NECTIN3: variants seen among roughly 807,000 people sequenced by gnomAD.
NECTIN3 encodes nectin cell adhesion molecule 3, also known as nectin-3.
In NECTIN3, 8 loss-of-function variants were observed where a neutral mutation model predicts 49.4. The ratio of observed to expected loss-of-function variants is 0.16; its 90% CI spans 0.10 to 0.29. NECTIN3 has a LOEUF of 0.29. Ranked by LOEUF, NECTIN3 falls within the 10% of genes least tolerant of loss-of-function variation. The probability of loss-of-function intolerance (pLI) is 1.00; values close to 1 mark genes in which losing one functional copy is unlikely to be tolerated. For missense variants in NECTIN3, 581 were observed against 654.6 expected (o/e 0.89, Z 1.23); for synonymous variants, 277 against 241.1 (o/e 1.15, Z -1.38).
At chr3:111,158,833 A>G (rs1268550695) in intron 7 of NECTIN3, among the ~76,000 whole-genome samples, 1 of 152,196 alleles carries the variant, frequency 6.6e-6, no homozygotes, top group Non-Finnish European at 1.5e-5. Flanking sequence ...AAAATTTGCA[A>G]CAGCTGTATC....
chr3:111,150,467 A>G (rs1390440117), intron 7 of NECTIN3, among the ~76,000 whole-genome samples: 1 of 151,952 alleles, frequency 6.6e-6, no homozygotes, highest in African/African-American at 2.4e-5. Flanking sequence ...ATACACAAAT[A>G]TGTATATTTG....
upstream of NECTIN3, chr3:111,192,310 C>G: frequency 6.7e-7 from 1 of 1,489,688 alleles, no homozygotes; most frequent in East Asian, 2.5e-5. Context: ...TATGTTTTGC[C>G]ATGTGTTTTA....
downstream of NECTIN3, among the ~76,000 whole-genome samples, chr3:111,139,901 A>T (rs1272799705): frequency 6.6e-6 from 1 of 151,872 alleles, no homozygotes; most frequent in Non-Finnish European, 1.5e-5. Flanking sequence ...TTCTCACTAA[A>T]ACTAAGACTT....
intron 1 of NECTIN3, chr3:111,193,505 T>C: frequency 9.3e-7 from 1 of 1,080,610 alleles, no homozygotes; most frequent in Non-Finnish European, 1.3e-6. Context: ...GTATTGGAAG[T>C]CTTAATGAAT....
intron 1 of NECTIN3, among the ~76,000 whole-genome samples, chr3:111,101,153 T>A (rs1381368155): frequency 6.6e-6 from 1 of 152,112 alleles, no homozygotes; most frequent in Non-Finnish European, 1.5e-5. Context: ...AGTTTTGTGC[T>A]TCTCTTCTGA....
At chr3:111,143,847 C>T (rs2034810198) in intron 5 of NECTIN3, among the ~76,000 whole-genome samples, 1 of 151,978 alleles carries the variant, frequency 6.6e-6, no homozygotes, top group African/African-American at 2.4e-5. Flanking sequence ...ATTGAATGGT[C>T]TTGGCAGATT....
rs141732751 is a variant in NECTIN3, at chr3:111,146,815, A to G, written c.1140-588A>G. On this transcript the variant is annotated intron_variant, in intron 6 of 8. Transcript: ENST00000493615. ...AAACTATCTTTGTTATAAGTAAACT[A>G]TATTTAAAATATATGAAAATGTTGA... Among the ~76,000 whole-genome samples the G allele has an allele frequency of 1.2e-4, 19 of 152,286 alleles. No homozygotes were observed. The East Asian group carries it at 2.5e-3, about 20-fold the overall frequency.
chr3:111,174,791 A>G (rs2107528623), intron 7 of NECTIN3, among the ~76,000 whole-genome samples: 1 of 152,066 alleles, frequency 6.6e-6, no homozygotes, highest in African/African-American at 2.4e-5. Context: ...CATGTGTTAC[A>G]GTGTGCCCTT....
At chr3:111,093,165 T>C (rs1452789239) in intron 1 of NECTIN3, among the ~76,000 whole-genome samples, 3 of 152,202 alleles carry the variant, frequency 2.0e-5, no homozygotes, top group Non-Finnish European at 4.4e-5. Context: ...ATGAACTGTT[T>C]TATTAGTTCT....
intron 1 of NECTIN3, among the ~76,000 whole-genome samples, chr3:111,081,816 A>T (rs927798959): frequency 6.6e-6 from 1 of 152,122 alleles, no homozygotes; most frequent in African/African-American, 2.4e-5. Flanking sequence ...TTCTCATGTG[A>T]CTCAAGCATG....
At chr3:111,183,070 T>A (rs1447186413) in intron 7 of NECTIN3, among the ~76,000 whole-genome samples, 1 of 152,082 alleles carries the variant, frequency 6.6e-6, no homozygotes, top group Non-Finnish European at 1.5e-5. Flanking sequence ...TTAGATGAAT[T>A]TTAATATGCA....
intron 1 of NECTIN3, among the ~76,000 whole-genome samples, chr3:111,096,383 C>G (rs959272613): frequency 3.0e-4 from 45 of 152,116 alleles, no homozygotes; most frequent in African/African-American, 1.0e-3. Flanking sequence ...ATAGACCATG[C>G]AAGTTTGGAA....
chr3:111,153,486 A>G (rs1034118994), intron 7 of NECTIN3, among the ~76,000 whole-genome samples: 1 of 152,030 alleles, frequency 6.6e-6, no homozygotes, highest in African/African-American at 2.4e-5. Context: ...TATAAATGAG[A>G]AAAAGATAAG....
chr3:111,091,681 C>T (rs954148895), intron 1 of NECTIN3, among the ~76,000 whole-genome samples: 3 of 152,066 alleles, frequency 2.0e-5, no homozygotes, highest in African/African-American at 7.2e-5. Flanking sequence ...GTAGATATCA[C>T]ATTTGTCTGT....
At chr3:111,117,612 T>C (rs1459848979) in intron 2 of NECTIN3, among the ~76,000 whole-genome samples, 1 of 151,782 alleles carries the variant, frequency 6.6e-6, no homozygotes, top group African/African-American at 2.4e-5. Context: ...AAAAATAGGT[T>C]TCAAAGTAAA....
In NECTIN3 at chr3:111,166,072, G is replaced by T. The variant is rs77030001; in HGVS notation, c.1221+18588G>T. The stretch of plus-strand genomic sequence containing the variant: ...AACAAGTTGATTGCTACATGCCCGA[G>T]GTCTGCTGCAAGTTTTGGTGATGCT... On this transcript the variant is annotated intron_variant, in intron 7 of 8. Coordinates refer to the NECTIN3 transcript ENST00000493615. 7.0e-3 allele frequency among the ~76,000 whole-genome samples: 1,059 copies of T among 152,258 alleles called. 13 individuals carry two copies. The highest frequency in any genetic ancestry group is 0.024 in the African/African-American group (1,005 of 41,550).
rs145265722 is a variant in NECTIN3 at position 111,133,847 on chromosome 3, T to C, written c.1282T>C (p.Tyr428His). ...LVSVLAGIFCYRRRRTFRGDY... is the reference protein window; with the variant it reads ...LVSVLAGIFCHRRRRTFRGDY... The stretch of plus-strand genomic sequence containing the variant: ...AAGTGTTTTGGCTGGAATATTCTGC[T>C]ATAGGAGAAGACGGACGTTTCGTGG... The change falls in exon 6 of 6, where the codon TAT (tyrosine) becomes CAT (histidine). Residue 428 changes from tyrosine (Y) to histidine (H), a missense_variant. Physicochemically the swap from Tyr to His is moderately conservative, Grantham distance 83. This residue lies in a region of NECTIN3 where 238 missense variants were observed against 244.9 expected (regional missense o/e 0.97). Coordinates refer to ENST00000485303, the MANE Select transcript of NECTIN3 (RefSeq NM_015480.3). 261 of 1,613,894 alleles carry C rather than the reference T, an allele frequency of 1.6e-4. No homozygotes were observed. The highest frequency in any genetic ancestry group is 2.1e-4 in the Non-Finnish European group (246 of 1,179,912).
intron 1 of NECTIN3, among the ~76,000 whole-genome samples, chr3:111,101,174 A>T (rs566354350): frequency 5.9e-5 from 9 of 152,238 alleles, no homozygotes; most frequent in South Asian, 2.1e-4. Flanking sequence ...AAATATGAAG[A>T]AATTGTGCTT....
chr3:111,148,931 A>G (rs1355459724), intron 7 of NECTIN3, among the ~76,000 whole-genome samples: 1 of 152,096 alleles, frequency 6.6e-6, no homozygotes, highest in Non-Finnish European at 1.5e-5. Context: ...TGGCTTCCTT[A>G]CATTTCCTTC....
Sources: allele counts gnomAD v4.1 joint callset (sites outside exome capture counted in the v4.1 genomes callset), GRCh38; gene constraint gnomAD v4.1.1; regional missense constraint gnomAD v4.1.1; transcripts MANE v1.5; gene names NCBI Gene and HGNC (gene_info 2026-07-23, HGNC 2026-07-21).